Variants in TANGO6 observed in about 807,000 individuals in gnomAD.
The protein encoded by TANGO6 is transport and golgi organization 6 homolog.
A neutral mutation model predicts 114.2 loss-of-function variants in TANGO6; 90 were observed. The observed-to-expected ratio is 0.79, with a 90% confidence interval of 0.66 to 0.94. The LOEUF is 0.94. Among genes scored for constraint, TANGO6 ranks in the 40% least tolerant of loss-of-function variants. TANGO6 has a pLI of 0.00. For synonymous variants in TANGO6, 477 were observed against 509.8 expected (o/e 0.94, Z 0.87); for missense variants, 1,274 against 1,315.3 (o/e 0.97, Z 0.49).
intron 15 of TANGO6, among the ~76,000 whole-genome samples, chr16:69,015,064 A>C (rs189332994): frequency 2.6e-4 from 40 of 152,304 alleles, no homozygotes; most frequent in African/African-American, 9.6e-4. Context: ...ACTAGGGTAC[A>C]ATACAGTCCT....
chr16:69,045,720 A>G (rs1959846004), intron 17 of TANGO6, among the ~76,000 whole-genome samples: 1 of 147,084 alleles, frequency 6.8e-6, no homozygotes, highest in African/African-American at 2.5e-5. Flanking sequence ...TCCAGCCTGG[A>G]CAACAGAGCA....
chr16:68,963,663 T>A (rs1963616719), intron 14 of TANGO6, among the ~76,000 whole-genome samples: 1 of 152,202 alleles, frequency 6.6e-6, no homozygotes, highest in South Asian at 2.1e-4. Context: ...CTTCTGCCAT[T>A]TCCCATCACA....
chr16:69,079,549 G>T (rs1427234617), intron 17 of TANGO6, among the ~76,000 whole-genome samples: 3 of 151,404 alleles, frequency 2.0e-5, no homozygotes, highest in Non-Finnish European at 4.4e-5. Flanking sequence ...AAAAATATTT[G>T]CAACTCATAT....
At chr16:69,014,263 A>T (rs192881275) in intron 15 of TANGO6, among the ~76,000 whole-genome samples, 1 of 152,094 alleles carries the variant, frequency 6.6e-6, no homozygotes, top group Non-Finnish European at 1.5e-5. Flanking sequence ...TTAGTTCCTC[A>T]TGGTTTCAAG....
intron 15 of TANGO6, among the ~76,000 whole-genome samples, chr16:69,019,795 C>G (rs1484063641): frequency 6.6e-6 from 1 of 152,190 alleles, no homozygotes; most frequent in Non-Finnish European, 1.5e-5. Context: ...GCCTCAGCCT[C>G]CCAAAGTGCT....
At chr16:68,981,248 T>C (rs1283401488) in intron 15 of TANGO6, among the ~76,000 whole-genome samples, 1 of 147,638 alleles carries the variant, frequency 6.8e-6, no homozygotes, top group Non-Finnish European at 1.5e-5. Flanking sequence ...TCTTGCTCTG[T>C]TGCCCAGGCT....
At chr16:68,961,143 C>G (rs1963585756) in intron 14 of TANGO6, among the ~76,000 whole-genome samples, 1 of 152,196 alleles carries the variant, frequency 6.6e-6, no homozygotes, top group Non-Finnish European at 1.5e-5. Context: ...ATGCAGAGTT[C>G]CTCTCCTTAT....
chr16:69,006,524 A>T (rs548559952), intron 15 of TANGO6, among the ~76,000 whole-genome samples: 47 of 152,062 alleles, frequency 3.1e-4, no homozygotes, highest in Middle Eastern at 3.4e-3. Context: ...AAAGTGGATC[A>T]CCTGAGGTCA....
intron 14 of TANGO6, among the ~76,000 whole-genome samples, chr16:68,966,394 C>T (rs1963645824): frequency 6.6e-6 from 1 of 151,668 alleles, no homozygotes; most frequent in African/African-American, 2.4e-5. Context: ...GTCCCAGCTA[C>T]TTGGGAGGCT....
At chr16:68,855,876 A>G (rs1463697177) in intron 1 of TANGO6, among the ~76,000 whole-genome samples, 4 of 151,170 alleles carry the variant, frequency 2.6e-5, no homozygotes, top group Non-Finnish European at 5.9e-5. Context: ...AGCAAGACTC[A>G]GTCTCAAAAA....
In TANGO6 at chr16:68,979,861, T is replaced by G. The variant is rs1250900019; in HGVS notation, c.2842+5693T>G. Among the ~76,000 whole-genome samples the G allele has an allele frequency of 1.2e-3, 175 of 151,470 alleles. 1 individual carries two copies. The highest frequency in any genetic ancestry group is 4.0e-3 in the African/African-American group (165 of 41,338). Reference sequence around the variant, plus strand: ...TGTTTTTTGACTTTTTTTTTTTTTTTTGTAGTGGAGTCTCGCTCTGTCACC... The same window carrying G: ...TGTTTTTTGACTTTTTTTTTTTTTTGTGTAGTGGAGTCTCGCTCTGTCACC... On this transcript the variant is annotated intron_variant, in intron 15 of 17. Coordinates refer to ENST00000261778, the MANE Select transcript of TANGO6 (RefSeq NM_024562.2).
At chr16:69,010,246 T>A (rs1020190981) in intron 15 of TANGO6, among the ~76,000 whole-genome samples, 1 of 152,208 alleles carries the variant, frequency 6.6e-6, no homozygotes, top group Non-Finnish European at 1.5e-5. Flanking sequence ...GCTAAAGGCA[T>A]TGCAGTAGAA....
At chr16:69,049,157 G>A (rs1959907234) in intron 17 of TANGO6, among the ~76,000 whole-genome samples, 1 of 152,050 alleles carries the variant, frequency 6.6e-6, no homozygotes, top group Admixed American at 6.6e-5. Flanking sequence ...TTCATAAAGT[G>A]GTGCAATGCT....
chr16:68,951,180 G>A (rs1455698201), intron 14 of TANGO6, among the ~76,000 whole-genome samples: 4 of 151,780 alleles, frequency 2.6e-5, no homozygotes, highest in Non-Finnish European at 5.9e-5. Context: ...AAAATTAGCC[G>A]GGTGTGGTAG....
intron 15 of TANGO6, among the ~76,000 whole-genome samples, chr16:68,985,338 CTCCTTTTGATGAT>C (rs1468230077): frequency 1.3e-5 from 2 of 152,138 alleles, no homozygotes; most frequent in Non-Finnish European, 1.5e-5. Flanking sequence ...TTACATATAA[CTCCTTTTGATGAT>C]TCTTTGGTTC....
chr16:69,034,554 T>C (rs1959655802), intron 16 of TANGO6: 1 of 152,520 alleles, frequency 6.6e-6, no homozygotes, highest in African/African-American at 2.4e-5. Context: ...AATAGTGAAT[T>C]ACACCTGTTA....
intron 14 of TANGO6, among the ~76,000 whole-genome samples, chr16:68,968,644 C>T (rs1377317273): frequency 6.7e-6 from 1 of 149,794 alleles, no homozygotes; most frequent in Non-Finnish European, 1.5e-5. Context: ...GGATTACAGG[C>T]GTGAGCCACT....
intron 1 of TANGO6, among the ~76,000 whole-genome samples, chr16:68,855,041 G>C (rs1005367139): frequency 6.7e-6 from 1 of 148,516 alleles, no homozygotes; most frequent in African/African-American, 2.5e-5. Context: ...GTCTTGCTCT[G>C]TCACCCAGGT....
chr16:68,991,595 C>T (rs1033695196), intron 15 of TANGO6, among the ~76,000 whole-genome samples: 8 of 152,078 alleles, frequency 5.3e-5, no homozygotes, highest in Non-Finnish European at 1.2e-4. Flanking sequence ...GAGCCAAGAT[C>T]GCACCACTGT....
Sources: allele counts gnomAD v4.1 joint callset (sites outside exome capture counted in the v4.1 genomes callset), GRCh38; gene constraint gnomAD v4.1.1; transcripts MANE v1.5; gene names NCBI Gene and HGNC (gene_info 2026-07-23, HGNC 2026-07-21).